The following SMAD3 variants were observed in gnomAD, a reference collection of about 807,000 sequenced individuals.
SMAD3 encodes the protein SMAD family member 3, also known as MAD homolog 3.
SMAD3 carries 12 observed loss-of-function variants against 51.8 expected under a neutral mutation model. That is an observed-to-expected ratio of 0.23 (90% CI 0.15 to 0.38). The LOEUF (loss-of-function observed/expected upper bound fraction) is 0.38, where lower values mean the gene tolerates loss of function less well. Among genes scored for constraint, SMAD3 ranks in the 10% least tolerant of loss-of-function variants. The probability of loss-of-function intolerance (pLI) is 1.00; values close to 1 mark genes in which losing one functional copy is unlikely to be tolerated. For missense variants in SMAD3, 294 were observed against 565.6 expected (o/e 0.52, Z 4.87); for synonymous variants, 238 against 227.7 (o/e 1.05, Z -0.41).
At chr15:67,188,194 C>T (rs1278793362) in intron 8 of SMAD3, among the ~76,000 whole-genome samples, 1 of 139,506 alleles carries the variant, frequency 7.2e-6, no homozygotes, top group Non-Finnish European at 1.5e-5. Flanking sequence ...CTCTGTCATC[C>T]AAGCTGAAGT....
rs546797317 is a variant in SMAD3 at position 67,097,595 on chromosome 15, C to T, written c.206+31235C>T. Among the ~76,000 whole-genome samples the T allele has an allele frequency of 2.6e-5, 4 of 152,224 alleles. No individual in the cohort carries two copies. In the South Asian group the frequency reaches 8.3e-4, roughly 32 times the overall value. On this transcript the variant is annotated intron_variant, in intron 1 of 8. Transcript: ENST00000327367. ...TTGATGTTGGGCAGGTTGTTCAAGC[C>T]TCCTGGAGCCTTGGTTTACCCATCT...
intron 1 of SMAD3, among the ~76,000 whole-genome samples, chr15:67,164,220 C>T (rs1206325578): frequency 8.1e-5 from 11 of 136,124 alleles, no homozygotes; most frequent in East Asian, 2.5e-4. Context: ...GAGGCTGAGG[C>T]GGGAGAATGG....
chr15:67,075,026 TC>T lies in SMAD3; in HGVS notation c.206+8667del, dbSNP rs200887712. ...CTCTGAGGTGTCACCATTTTTTTTT[TC>T]TTTTCAACTGGACATTTGAAAATAG... On this transcript the variant is annotated intron_variant, in intron 1 of 8. Transcript: ENST00000327367. 7.6e-3 allele frequency among the ~76,000 whole-genome samples: 1,155 copies of T among 151,768 alleles called. 8 individuals are homozygous for T. Among genetic ancestry groups the T allele is most frequent in the African/African-American group, 0.024 (994 of 41,478 alleles).
intron 1 of SMAD3, among the ~76,000 whole-genome samples, chr15:67,130,551 C>A (rs1961499983): frequency 6.6e-6 from 1 of 152,182 alleles, no homozygotes; most frequent in Non-Finnish European, 1.5e-5. Context: ...AATCTAATGC[C>A]TGATGATCTG....
intron 5 of SMAD3, among the ~76,000 whole-genome samples, chr15:67,178,737 A>T (rs1053888736): frequency 6.6e-6 from 1 of 152,004 alleles, no homozygotes; most frequent in African/African-American, 2.4e-5. Flanking sequence ...TGTTTAGAAT[A>T]TAGCTTATCT....
chr15:67,093,317 T>C (rs913182378), intron 1 of SMAD3, among the ~76,000 whole-genome samples: 6 of 152,134 alleles, frequency 3.9e-5, no homozygotes, highest in Non-Finnish European at 7.4e-5. Context: ...TTAGCGGGCC[T>C]GTGAATATAA....
intron 1 of SMAD3, among the ~76,000 whole-genome samples, chr15:67,145,370 T>C (rs1373486916): frequency 6.6e-6 from 1 of 152,176 alleles, no homozygotes; most frequent in Non-Finnish European, 1.5e-5. Flanking sequence ...TGGCAAAATT[T>C]GATAGACCTG....
intron 1 of SMAD3, among the ~76,000 whole-genome samples, chr15:67,132,633 C>T (rs1302159402): frequency 2.0e-5 from 3 of 152,202 alleles, no homozygotes; most frequent in South Asian, 2.1e-4. Flanking sequence ...GGCATAATGC[C>T]ACCTGTGAGC....
At chr15:67,181,128 A>G in intron 5 of SMAD3, 113 bp from the exon 6 acceptor site, 1 of 817,374 alleles carries the variant, frequency 1.2e-6, no homozygotes, top group Non-Finnish European at 2.1e-6. Flanking sequence ...TAGGGAGATT[A>G]TAATCCCTCT....
At chr15:67,163,350 A>T (rs1304339464) in intron 1 of SMAD3, among the ~76,000 whole-genome samples, 1 of 152,054 alleles carries the variant, frequency 6.6e-6, no homozygotes, top group Non-Finnish European at 1.5e-5. Flanking sequence ...TTTCCTTACC[A>T]CTGTATCCTT....
intron 7 of SMAD3, among the ~76,000 whole-genome samples, chr15:67,186,052 T>C (rs1214454061): frequency 2.6e-5 from 4 of 152,264 alleles, no homozygotes; most frequent in Middle Eastern, 3.2e-3. Flanking sequence ...ATTCCGATCG[T>C]TGACCTCATT....
chr15:67,082,452 C>A (rs1337970446), intron 1 of SMAD3, among the ~76,000 whole-genome samples: 1 of 152,230 alleles, frequency 6.6e-6, no homozygotes, highest in African/African-American at 2.4e-5. Context: ...AGCCTCCTCC[C>A]TCAGGGGAAA....
chr15:67,134,962 C>G (rs1190624963), intron 1 of SMAD3, among the ~76,000 whole-genome samples: 1 of 152,166 alleles, frequency 6.6e-6, no homozygotes, highest in African/African-American at 2.4e-5. Flanking sequence ...GGAACCGAAG[C>G]TGGCTGCCCT....
intron 1 of SMAD3, among the ~76,000 whole-genome samples, chr15:67,067,762 T>A (rs1185032697): frequency 6.6e-6 from 1 of 152,102 alleles, no homozygotes; most frequent in Non-Finnish European, 1.5e-5. Flanking sequence ...CGGTGTGCTG[T>A]CTGGGGAAGT....
In SMAD3 at chr15:67,081,801, G is replaced by C. The variant is rs75043620; in HGVS notation, c.206+15441G>C. Among the ~76,000 whole-genome samples, 533 of 152,268 alleles carry C rather than the reference G, an allele frequency of 3.5e-3. 3 individuals carry two copies. The highest frequency in any genetic ancestry group is 0.012 in the African/African-American group (502 of 41,558). ...GAGCCTCCTGGTATCTTGTTGGTCA[G>C]TATTGTATCACATGCAGTCAATGAC... On this transcript the variant is annotated intron_variant, in intron 1 of 8. Coordinates refer to ENST00000327367, the MANE Select transcript of SMAD3 (RefSeq NM_005902.4).
intron 1 of SMAD3, chr15:67,146,017 A>G (rs1295496655): frequency 6.6e-6 from 1 of 152,250 alleles, no homozygotes; most frequent in Non-Finnish European, 1.5e-5. Context: ...GCCCTGTCCT[A>G]CAGGATTAAA....
At chr15:67,140,963 C>A (rs565496826) in intron 1 of SMAD3, among the ~76,000 whole-genome samples, 1 of 152,264 alleles carries the variant, frequency 6.6e-6, no homozygotes, top group South Asian at 2.1e-4. Context: ...AGCCAAAAAT[C>A]AAGATTTACA....
chr15:67,066,289 G>T lies in SMAD3; in HGVS notation c.135G>T (p.Thr45=), dbSNP rs778462473. 6.2e-7 allele frequency: 1 copy of T among 1,613,740 alleles called. No homozygotes were observed. Among genetic ancestry groups the T allele is most frequent in the Non-Finnish European group, 8.5e-7 (1 of 1,179,868 alleles). Residue 45 remains threonine (T), a synonymous_variant, in exon 1 of 9, where the codon ACG becomes ACT. Coordinates refer to ENST00000327367, the MANE Select transcript of SMAD3 (RefSeq NM_005902.4). ...VKSLVKKLKK[T]GQLDELEKAI... is the part of the protein sequence containing the mutation. ...GCCTGGTCAAGAAACTCAAGAAGAC[G>T]GGGCAGCTGGACGAGCTGGAGAAGG...
At chr15:67,159,195 C>T (rs1446034491) in intron 1 of SMAD3, among the ~76,000 whole-genome samples, 4 of 151,966 alleles carry the variant, frequency 2.6e-5, no homozygotes, top group Admixed American at 6.5e-5. Context: ...CTCAGCCTCC[C>T]GAGTTGCTGG....
Sources: gnomAD v4.1 joint callset for allele counts (sites outside exome capture counted in the v4.1 genomes callset) on GRCh38, gnomAD v4.1.1 for gene constraint, MANE v1.5 for transcripts, NCBI Gene and HGNC (gene_info 2026-07-23, HGNC 2026-07-21) for gene names.